The following FAM210A variants were observed in gnomAD, a reference collection of about 807,000 sequenced individuals.
FAM210A encodes the protein mitochondrial inner membrane scaffold 1.
A neutral mutation model predicts 25.3 loss-of-function variants in FAM210A; 13 were observed. That is an observed-to-expected ratio of 0.51 (90% CI 0.33 to 0.82). FAM210A has a LOEUF of 0.82. FAM210A is among the 40% of genes least tolerant of loss of function. FAM210A has a pLI of 0.02. For synonymous variants in FAM210A, 125 were observed against 118.7 expected (o/e 1.05, Z -0.35); for missense variants, 319 against 323.2 (o/e 0.99, Z 0.10).
At chr18:13,693,482 G>A (rs1249348294) in intron 1 of FAM210A, among the ~76,000 whole-genome samples, 1 of 152,202 alleles carries the variant, frequency 6.6e-6, no homozygotes, top group African/African-American at 2.4e-5. Context: ...GAACATCGAT[G>A]GAAAAGTCCT....
chr18:13,699,968 C>A (rs1568485439), intron 1 of FAM210A, among the ~76,000 whole-genome samples: 1 of 152,218 alleles, frequency 6.6e-6, no homozygotes, highest in African/African-American at 2.4e-5. Context: ...TACTCTCACA[C>A]TCAATGTAGA....
At chr18:13,689,399 T>C (rs1462151449) in intron 1 of FAM210A, among the ~76,000 whole-genome samples, 1 of 152,140 alleles carries the variant, frequency 6.6e-6, no homozygotes, top group Non-Finnish European at 1.5e-5. Flanking sequence ...ATCATATGAA[T>C]TGGTGGGGCA....
chr18:13,707,744 T>C (rs1000312172), intron 1 of FAM210A, among the ~76,000 whole-genome samples: 1 of 152,232 alleles, frequency 6.6e-6, no homozygotes, highest in African/African-American at 2.4e-5. Context: ...AGTGTGCGCC[T>C]GTAACAACAG....
intron 3 of FAM210A, among the ~76,000 whole-genome samples, chr18:13,671,453 T>C (rs1320295572): frequency 3.3e-5 from 5 of 152,114 alleles, no homozygotes; most frequent in African/African-American, 1.2e-4. Context: ...CCATGGAAAA[T>C]CACATAAGTC....
chr18:13,704,468 T>C (rs1171339704), intron 1 of FAM210A, among the ~76,000 whole-genome samples: 5 of 152,226 alleles, frequency 3.3e-5, no homozygotes, highest in Non-Finnish European at 5.9e-5. Flanking sequence ...AAGGGTTATA[T>C]AAGGTTTATA....
At chr18:13,723,491 T>C (rs2043912568) in intron 1 of FAM210A, among the ~76,000 whole-genome samples, 1 of 152,196 alleles carries the variant, frequency 6.6e-6, no homozygotes, top group Non-Finnish European at 1.5e-5. Context: ...GTAGGGTAGA[T>C]CTACAGACAG....
chr18:13,672,721 T>C lies in FAM210A; in HGVS notation c.474-748A>G, dbSNP rs545310002. ...CAGTGCCCAGCCAATTACATGTAATTTTATGTGTAAAATTGCACTGTAAAA... is the reference window on the plus strand; with the variant it reads ...CAGTGCCCAGCCAATTACATGTAATCTTATGTGTAAAATTGCACTGTAAAA... On this transcript the variant is annotated intron_variant, in intron 2 of 3. Transcript: ENST00000651643. Among the ~76,000 whole-genome samples the C allele has an allele frequency of 3.5e-3, 529 of 152,306 alleles. 1 individual carries two copies. Among genetic ancestry groups the C allele is most frequent in the Non-Finnish European group, 5.7e-3 (391 of 68,032 alleles).
intron 1 of FAM210A, among the ~76,000 whole-genome samples, chr18:13,707,804 C>T (rs1418582237): frequency 2.6e-5 from 4 of 152,210 alleles, no homozygotes; most frequent in Non-Finnish European, 4.4e-5. Context: ...TCATAGACTG[C>T]TAAGTGCTCA....
Position 13,681,563 on chromosome 18 carries a change from C to T in FAM210A, c.473+42G>A. The T allele has an allele frequency of 2.1e-6, 3 of 1,441,002 alleles. No individual in the cohort carries two copies. The South Asian group carries it at 4.1e-5, about 20-fold the overall frequency. 89.3% of individuals were successfully genotyped at this position (1,441,002 alleles called of 1,614,324 possible). A position where few individuals can be genotyped will look rare whatever the true frequency, so the allele number is the denominator to read the frequency against. ...TAGTACAATTAAAAAGATTAATATT[C>T]TGGTAAGACAGGGAAAGACATTCAA... On this transcript the variant is annotated intron_variant, in intron 2 of 3. Coordinates refer to ENST00000651643, the MANE Select transcript of FAM210A (RefSeq NM_152352.4).
At position 13,702,093 on chromosome 18, in the gene FAM210A, G is replaced by GC. The variant is rs560712258; in HGVS notation, c.-28-19989dup. On this transcript the variant is annotated intron_variant, in intron 1 of 3. Transcript: ENST00000651643. ...TGATTTTGCTTTGTGTGGCGGCTTG[G>GC]CCCCCAAGGCTGTGGTGCAGCCAGC... Among the ~76,000 whole-genome samples the GC allele has an allele frequency of 9.6e-4, 146 of 152,308 alleles. 2 individuals carry two copies. The South Asian group carries it at 0.029, about 30-fold the overall frequency.
intron 1 of FAM210A, among the ~76,000 whole-genome samples, chr18:13,706,574 C>T (rs1043459981): frequency 6.6e-5 from 10 of 152,272 alleles, no homozygotes; most frequent in Admixed American, 1.3e-4. Flanking sequence ...AGAACATTGC[C>T]AGGAGGCCTT....
At chr18:13,668,771 AAG>A (rs1337741063) in intron 3 of FAM210A, among the ~76,000 whole-genome samples, 2 of 152,210 alleles carry the variant, frequency 1.3e-5, no homozygotes, top group Non-Finnish European at 2.9e-5. Flanking sequence ...AGGCAATTAT[AAG>A]ACCACAGTAA....
intron 1 of FAM210A, among the ~76,000 whole-genome samples, chr18:13,712,833 C>A (rs755570092): frequency 6.6e-6 from 1 of 152,166 alleles, no homozygotes; most frequent in Admixed American, 6.5e-5. Context: ...GAAATTCCAT[C>A]GATAGAAGGA....
At chr18:13,719,222 T>C (rs1037910653) in intron 1 of FAM210A, among the ~76,000 whole-genome samples, 1 of 60,882 alleles carries the variant, frequency 1.6e-5, no homozygotes. Context: ...CAAATTACAA[T>C]GCAGCTTAAC....
chr18:13,707,003 A>T (rs1388471345), intron 1 of FAM210A, among the ~76,000 whole-genome samples: 2 of 152,202 alleles, frequency 1.3e-5, no homozygotes, highest in Admixed American at 6.5e-5. Context: ...AGTCATGATA[A>T]CAGTCTCCCT....
intron 1 of FAM210A, among the ~76,000 whole-genome samples, chr18:13,702,319 T>A (rs543836216): frequency 6.6e-6 from 1 of 152,232 alleles, no homozygotes; most frequent in Non-Finnish European, 1.5e-5. Flanking sequence ...TGCAGCCAAT[T>A]TGGTATGCTT....
chr18:13,722,166 T>C (rs1295984560), intron 1 of FAM210A, among the ~76,000 whole-genome samples: 1 of 151,906 alleles, frequency 6.6e-6, no homozygotes, highest in Non-Finnish European at 1.5e-5. Flanking sequence ...CGAGTTCTCT[T>C]CTAGGGACAC....
Position 13,726,519 on chromosome 18 carries a change from A to G in FAM210A, c.-219T>C, listed in dbSNP as rs1162911408. ...GCCCCGCCAGCCGCGCCCACTAGCA[A>G]CGTGCTCGCGACCTCCAGTGCCCGC... On this transcript the variant is annotated 5_prime_UTR_variant, in exon 1 of 4. Coordinates refer to ENST00000651643, the MANE Select transcript of FAM210A (RefSeq NM_152352.4). 6.6e-6 allele frequency: 1 copy of G among 152,348 alleles called. No homozygotes were observed. The highest frequency in any genetic ancestry group is 1.5e-5 in the Non-Finnish European group (1 of 68,156). The allele number at this position is 152,348 out of a possible 1,614,324, so 9.4% of individuals were successfully genotyped here.
Position 13,701,301 on chromosome 18 carries a change from G to A in FAM210A, c.-28-19196C>T, listed in dbSNP as rs569312937. On this transcript the variant is annotated intron_variant, in intron 1 of 3. Transcript: ENST00000651643. Reference sequence around the variant, plus strand: ...TGAGCAAATTTCTGGTCCAAACTGGGTTTGGAAATCGCAACAGAAATCGAA... The same window carrying A: ...TGAGCAAATTTCTGGTCCAAACTGGATTTGGAAATCGCAACAGAAATCGAA... Among the ~76,000 whole-genome samples the A allele has an allele frequency of 1.0e-3, 155 of 152,282 alleles. 2 individuals carry two copies. In the South Asian group the frequency reaches 0.031, roughly 31 times the overall value.
Sources: allele counts gnomAD v4.1 joint callset (sites outside exome capture counted in the v4.1 genomes callset), GRCh38; gene constraint gnomAD v4.1.1; transcripts MANE v1.5; gene names NCBI Gene and HGNC (gene_info 2026-07-23, HGNC 2026-07-21).